The following C7 variants were observed in gnomAD, a reference collection of about 807,000 sequenced individuals.
C7 encodes the protein complement C7.
C7 carries 83 observed loss-of-function variants against 104.8 expected under a neutral mutation model. The ratio of observed to expected loss-of-function variants is 0.79; its 90% CI spans 0.66 to 0.95. C7 has a LOEUF of 0.95. Among genes scored for constraint, C7 ranks in the 40% least tolerant of loss-of-function variants. The pLI is 0.00. For missense variants in C7, 1,070 were observed against 1,011.2 expected (o/e 1.06, Z -0.79); for synonymous variants, 415 against 360.6 (o/e 1.15, Z -1.71).
In C7 at chr5:40,972,449, C is replaced by T. The variant is rs768393379; in HGVS notation, c.1929C>T (p.His643=). 3 of 1,613,788 alleles carry T rather than the reference C, an allele frequency of 1.9e-6. No individual in the cohort carries two copies. The highest frequency in any genetic ancestry group is 2.2e-5 in the South Asian group (2 of 91,066). ...TACTGATGGATGGCATACAGAGTCACCCCCAAAAACCTTTCTACACAGTTG... is the reference window on the plus strand; with the variant it reads ...TACTGATGGATGGCATACAGAGTCATCCCCAAAAACCTTTCTACACAGTTG... ...LPVLMDGIQS[H]PQKPFYTVGE... Residue 643 remains histidine, a synonymous_variant, in exon 15 of 18, where the codon CAC becomes CAT. Coordinates refer to ENST00000313164, the MANE Select transcript of C7 (RefSeq NM_000587.4).
intron 3 of C7, among the ~76,000 whole-genome samples, chr5:40,932,068 T>C (rs758388084): frequency 6.6e-6 from 1 of 152,146 alleles, no homozygotes; most frequent in African/African-American, 2.4e-5. Flanking sequence ...AATTCTACCA[T>C]TTAGAAGAAA....
At chr5:40,957,968 C>T in intron 10 of C7, 65 bp from the exon 11 acceptor site, 1 of 1,184,280 alleles carries the variant, frequency 8.4e-7, no homozygotes, top group South Asian at 1.8e-5. Flanking sequence ...CGTGCCTAAA[C>T]ATGAAAAGCA....
intron 14 of C7, among the ~76,000 whole-genome samples, chr5:40,971,050 G>A (rs1376329469): frequency 6.6e-6 from 1 of 152,164 alleles, no homozygotes; most frequent in Non-Finnish European, 1.5e-5. Flanking sequence ...AAACATACGT[G>A]TGCATGTGTC....
chr5:40,960,684 A>G (rs563122960), intron 12 of C7, among the ~76,000 whole-genome samples: 1 of 152,122 alleles, frequency 6.6e-6, no homozygotes, highest in African/African-American at 2.4e-5. Context: ...TTCTCAGTAC[A>G]AATAGGAAAA....
chr5:40,915,680 C>T (rs1739302858), intron 1 of C7, among the ~76,000 whole-genome samples: 1 of 152,124 alleles, frequency 6.6e-6, no homozygotes, highest in Admixed American at 6.6e-5. Flanking sequence ...ATAGTCTCCC[C>T]CAAATAACCT....
intron 3 of C7, 95 bp from the exon 4 acceptor site, chr5:40,934,228 ACT>A: frequency 4.1e-6 from 5 of 1,222,294 alleles, no homozygotes; most frequent in Non-Finnish European, 5.4e-6. Flanking sequence ...TAATTGTATT[ACT>A]TTTTCTCAGA....
At chr5:40,979,024 T>C (rs1740880633) in intron 16 of C7, among the ~76,000 whole-genome samples, 1 of 151,414 alleles carries the variant, frequency 6.6e-6, no homozygotes, top group African/African-American at 2.4e-5. Flanking sequence ...GGATTACAGG[T>C]GTGCGCCACC....
intron 12 of C7, among the ~76,000 whole-genome samples, chr5:40,961,584 C>G (rs1246120620): frequency 6.6e-6 from 1 of 152,074 alleles, no homozygotes; most frequent in Non-Finnish European, 1.5e-5. Flanking sequence ...GGGGTTTCAC[C>G]TTGTTGGCCA....
rs774902782 is a variant in C7, at chr5:40,955,561, A to C, written c.1260+8A>C. 3.1e-6 allele frequency: 5 copies of C among 1,609,020 alleles called. No homozygotes were observed. The highest frequency in any genetic ancestry group is 1.7e-5 in the Admixed American group (1 of 59,080). ...CAAGTCATAAAACAAAAGGTATGTC[A>C]GGCTTTGTTTAAAGCAATAGGAAGC... is the stretch of plus-strand genomic sequence containing the variant. On this transcript the variant is annotated splice_region_variant and intron_variant, in intron 10 of 17. Transcript: ENST00000313164.
In C7 at chr5:40,980,183, G is replaced by A. The variant is rs1740912495; in HGVS notation, c.2350+274G>A. ...ATGCCACCTTCATGATTTTTACTCT[G>A]TCCTTGTATTATCCATATTGTGTAC... On this transcript the variant is annotated intron_variant, in intron 17 of 17. Coordinates refer to ENST00000313164, the MANE Select transcript of C7 (RefSeq NM_000587.4). 9.6e-6 allele frequency: 3 copies of A among 313,382 alleles called. No individual in the cohort carries two copies. In the South Asian group the frequency reaches 4.7e-4, roughly 49 times the overall value. 19.4% of individuals were successfully genotyped at this position (313,382 alleles called of 1,614,324 possible). A position where few individuals can be genotyped will look rare whatever the true frequency, so the allele number is the denominator to read the frequency against.
chr5:40,928,315 T>A (rs769657626), intron 1 of C7, among the ~76,000 whole-genome samples: 16 of 152,264 alleles, frequency 1.1e-4, no homozygotes, highest in Non-Finnish European at 2.1e-4. Flanking sequence ...TGAATTCTAT[T>A]GTACAGCGTG....
At chr5:40,971,118 G>A (rs1487149154) in intron 14 of C7, among the ~76,000 whole-genome samples, 7 of 152,130 alleles carry the variant, frequency 4.6e-5, no homozygotes. Context: ...GGATTGCTGG[G>A]TCAAATGGTA....
At position 40,981,537 on chromosome 5, in the gene C7, C is replaced by T; in HGVS notation, c.2496C>T (p.Val832=). The T allele has an allele frequency of 6.2e-7, 1 of 1,613,642 alleles. No individual in the cohort carries two copies. Among genetic ancestry groups the T allele is most frequent in the Non-Finnish European group, 8.5e-7 (1 of 1,179,706 alleles). Residue 832 remains valine, a synonymous_variant, in exon 18 of 18, where the codon GTC becomes GTT. Transcript: ENST00000313164. Reference sequence around the variant, plus strand: ...GATGCAGAGGGCAGAGCATCTCTGTCACCAGCATAAGGCCTTGTGCTGCGG... The same window carrying T: ...GATGCAGAGGGCAGAGCATCTCTGTTACCAGCATAAGGCCTTGTGCTGCGG... ...ALRCRGQSIS[V]TSIRPCAAET...
rs771457746 is a variant in C7 at position 40,959,454 on chromosome 5, G to A, written c.1495G>A (p.Val499Ile). Residue 499 changes from valine (V) to isoleucine (I), a missense_variant, in exon 12 of 18, where the codon GTT becomes ATT. Physicochemically the swap from Val to Ile is conservative, Grantham distance 29. Coordinates refer to ENST00000313164, the MANE Select transcript of C7 (RefSeq NM_000587.4). Reference protein sequence around the residue: ...GVLVGNQAGGVDGGWSCWSSW... With the variant: ...GVLVGNQAGGIDGGWSCWSSW... Reference sequence around the variant, plus strand: ...ACCTCTTTCTCATCTTGTAGGAGGGGTTGATGGAGGTTGGAGTTGCTGGTC... The same window carrying A: ...ACCTCTTTCTCATCTTGTAGGAGGGATTGATGGAGGTTGGAGTTGCTGGTC... 4 of 1,610,158 alleles carry A rather than the reference G, an allele frequency of 2.5e-6. No homozygotes were observed. The South Asian group carries it at 4.4e-5, about 18-fold the overall frequency.
At chr5:40,956,539 T>A (rs1158549991) in intron 10 of C7, among the ~76,000 whole-genome samples, 1 of 152,244 alleles carries the variant, frequency 6.6e-6, no homozygotes, top group African/African-American at 2.4e-5. Context: ...TAGTTGTACA[T>A]AAGAAAATCT....
chr5:40,916,698 A>G (rs1579835372), intron 1 of C7, among the ~76,000 whole-genome samples: 1 of 152,122 alleles, frequency 6.6e-6, no homozygotes, highest in South Asian at 2.1e-4. Flanking sequence ...GATTGTACCA[A>G]ATTTTTATTT....
chr5:40,909,532 C>T lies in C7; in HGVS notation c.-79C>T, dbSNP rs576261033. On this transcript the variant is annotated 5_prime_UTR_variant, in exon 1 of 18. Transcript: ENST00000313164. ...AGAGAGGCAGGCAGCCTGCTGGGCTCTTCCTGCTGTTGAAAACTTACCCGG... is the reference window on the plus strand; with the variant it reads ...AGAGAGGCAGGCAGCCTGCTGGGCTTTTCCTGCTGTTGAAAACTTACCCGG... The T allele has an allele frequency of 2.5e-4, 291 of 1,173,474 alleles. No individual in the cohort carries two copies. The African/African-American group carries it at 3.9e-3, about 16-fold the overall frequency. 72.7% of individuals were successfully genotyped at this position (1,173,474 alleles called of 1,614,324 possible). A position where few individuals can be genotyped will look rare whatever the true frequency, so the allele number is the denominator to read the frequency against.
rs1177454223 is a variant in C7, at chr5:40,931,131, A to C, written c.130A>C (p.Lys44Gln). The C allele has an allele frequency of 2.5e-6, 4 of 1,612,650 alleles. No individual in the cohort carries two copies. The East Asian group carries it at 8.9e-5, about 36-fold the overall frequency. The change falls in exon 3 of 18, where the codon AAG (lysine) becomes CAG (glutamine). Residue 44 changes from lysine (K) to glutamine (Q), a missense_variant. Physicochemically the swap from Lys to Gln is moderately conservative, Grantham distance 53 (BLOSUM62 1). Transcript: ENST00000313164. The part of the protein sequence containing the change: ...APWSECNGCT[K>Q]TQTRRRSVAV... ...TTGGTCAGAATGCAATGGCTGTACC[A>C]AGACTCAGGTAGGACCATGCAAAAC... is the stretch of plus-strand genomic sequence containing the variant.
In C7 at chr5:40,973,853, A is replaced by G. The variant is rs192090048; in HGVS notation, c.2074+1259A>G. On this transcript the variant is annotated intron_variant, in intron 15 of 17. Coordinates refer to ENST00000313164, the MANE Select transcript of C7 (RefSeq NM_000587.4). Reference sequence around the variant, plus strand: ...TATTTTACAGCACAGTTTGGTATGAAGTTTCATTTACCCAGTAGAAAATTC... The same window carrying G: ...TATTTTACAGCACAGTTTGGTATGAGGTTTCATTTACCCAGTAGAAAATTC... 3.2e-3 allele frequency among the ~76,000 whole-genome samples: 484 copies of G among 152,326 alleles called. 3 individuals carry two copies. The highest frequency in any genetic ancestry group is 0.011 in the African/African-American group (456 of 41,568).
Sources: allele counts gnomAD v4.1 joint callset (sites outside exome capture counted in the v4.1 genomes callset), GRCh38; gene constraint gnomAD v4.1.1; transcripts MANE v1.5; gene names NCBI Gene and HGNC (gene_info 2026-07-23, HGNC 2026-07-21).